The following ZPBP variants were observed in gnomAD, a reference collection of about 807,000 sequenced individuals.
The protein encoded by ZPBP is zona pellucida-binding protein 1.
A neutral mutation model predicts 44.8 loss-of-function variants in ZPBP; 26 were observed. That is an observed-to-expected ratio of 0.58 (90% CI 0.43 to 0.81). The LOEUF is 0.81. ZPBP is among the 30% of genes least tolerant of loss of function. The pLI, the probability that ZPBP is intolerant of heterozygous loss-of-function variation, is 0.00. For missense variants in ZPBP, 409 were observed against 434.0 expected (o/e 0.94, Z 0.51); for synonymous variants, 174 against 153.2 (o/e 1.14, Z -1.00).
chr7:49,849,093 C>T (rs1197495602), downstream of ZPBP, among the ~76,000 whole-genome samples: 1 of 152,188 alleles, frequency 6.6e-6, no homozygotes, highest in Non-Finnish European at 1.5e-5. Flanking sequence ...TCTTGTCCTA[C>T]TGTACTGTAT....
rs573062965 is a variant in ZPBP, at chr7:49,890,734, A to C, written n.509+10384T>G. Among the ~76,000 whole-genome samples, 365 of 148,350 alleles carry C rather than the reference A, an allele frequency of 2.5e-3. 3 individuals carry two copies. Among genetic ancestry groups the C allele is most frequent in the African/African-American group, 6.3e-3 (245 of 39,188 alleles). On this transcript the variant is annotated intron_variant and non_coding_transcript_variant, in intron 2 of 2. Transcript: ENST00000465922. The stretch of plus-strand genomic sequence containing the variant: ...ACATTAAAACACAAAGCAAAACAAA[A>C]AAAAAAAAAACTGATTTGAAAGCAT...
At chr7:49,980,076 A>ATATAATATAATTTTATATTATATATAAT (rs1796747007) in intron 7 of ZPBP, among the ~76,000 whole-genome samples, 7 of 12,070 alleles carry the variant, frequency 5.8e-4, no homozygotes, top group African/African-American at 2.6e-3. Flanking sequence ...ATTATAATAT[A>ATATAATATAATTTTATATTATATATAAT]TATAATATAA....
chr7:50,058,750 G>A (rs535933555), intron 3 of ZPBP, among the ~76,000 whole-genome samples: 6 of 152,220 alleles, frequency 3.9e-5, no homozygotes, highest in Admixed American at 3.9e-4. Flanking sequence ...TTGCAGTGCT[G>A]GGGGTTAGAA....
chr7:49,995,660 G>C (rs182889668), intron 6 of ZPBP, among the ~76,000 whole-genome samples: 260 of 152,206 alleles, frequency 1.7e-3, no homozygotes, highest in African/African-American at 5.8e-3. Flanking sequence ...ATTTTCCTGT[G>C]ATATATATAC....
chr7:50,060,238 C>A (rs2128832064), intron 3 of ZPBP, among the ~76,000 whole-genome samples: 1 of 150,980 alleles, frequency 6.6e-6, no homozygotes, highest in Admixed American at 6.6e-5. Flanking sequence ...TGCATGGAAC[C>A]CAGAGCATTT....
In ZPBP at chr7:49,853,424, G is replaced by A. The variant is rs1790278354; in HGVS notation, n.510-2910C>T. ...CAGCCAGCCTATCTGTTCTGTGCCA[G>A]GAGCTCTGCTGGGCATCGGGGCATA... On this transcript the variant is annotated intron_variant and non_coding_transcript_variant, in intron 2 of 2. Coordinates refer to the ZPBP transcript ENST00000465922. 2.0e-5 allele frequency among the ~76,000 whole-genome samples: 3 copies of A among 152,202 alleles called. No individual in the cohort carries two copies. In the South Asian group the frequency reaches 6.2e-4, roughly 31 times the overall value.
chr7:49,853,374 G>A (rs1180945787), intron 2 of ZPBP, among the ~76,000 whole-genome samples: 3 of 152,236 alleles, frequency 2.0e-5, no homozygotes, highest in Non-Finnish European at 4.4e-5. Flanking sequence ...AGTCTGGACT[G>A]GTCTTTGGCC....
At chr7:50,053,480 A>G (rs924973488) in intron 4 of ZPBP, among the ~76,000 whole-genome samples, 1 of 152,218 alleles carries the variant, frequency 6.6e-6, no homozygotes, top group African/African-American at 2.4e-5. Flanking sequence ...GTTCTTGTGT[A>G]TCACTTACAG....
At chr7:49,881,519 T>G (rs1362359102) in intron 2 of ZPBP, among the ~76,000 whole-genome samples, 2 of 152,190 alleles carry the variant, frequency 1.3e-5, no homozygotes, top group East Asian at 3.8e-4. Flanking sequence ...GTGGCCTTAC[T>G]TATTTGGGTT....
At chr7:49,985,461 A>T (rs575437229) in intron 6 of ZPBP, among the ~76,000 whole-genome samples, 15 of 152,230 alleles carry the variant, frequency 9.9e-5, no homozygotes, top group African/African-American at 3.1e-4. Flanking sequence ...AAAATCTGAA[A>T]ATATCTGAAA....
At chr7:49,976,998 C>T (rs945171167) in intron 7 of ZPBP, among the ~76,000 whole-genome samples, 1 of 151,730 alleles carries the variant, frequency 6.6e-6, no homozygotes, top group African/African-American at 2.4e-5. Context: ...GCTGCTCGGG[C>T]GCCTGAGGCA....
chr7:49,905,777 A>C (rs1046076834), intron 1 of ZPBP, among the ~76,000 whole-genome samples: 1 of 152,206 alleles, frequency 6.6e-6, no homozygotes, highest in South Asian at 2.1e-4. Context: ...CGCAAGAAAG[A>C]GGTCGGCTCA....
At chr7:49,947,493 T>A (rs939391576) in intron 7 of ZPBP, among the ~76,000 whole-genome samples, 1 of 152,196 alleles carries the variant, frequency 6.6e-6, no homozygotes, top group Non-Finnish European at 1.5e-5. Flanking sequence ...TTGGGTAAGA[T>A]TCAGAAGAAT....
chr7:49,866,278 G>T (rs192102787), intron 2 of ZPBP, among the ~76,000 whole-genome samples: 5 of 152,322 alleles, frequency 3.3e-5, no homozygotes, highest in Non-Finnish European at 7.4e-5. Flanking sequence ...GCTGTCAGCT[G>T]TGCCAGGTGT....
At chr7:49,981,374 T>TTATATATA (rs1562819312) in intron 7 of ZPBP, among the ~76,000 whole-genome samples, 19 of 3,972 alleles carry the variant, frequency 4.8e-3, no homozygotes, top group Non-Finnish European at 5.5e-3. Context: ...TAATTATATA[T>TTATATATA]ATTATATATA....
intron 4 of ZPBP, among the ~76,000 whole-genome samples, chr7:50,035,009 A>C (rs1308565340): frequency 6.6e-6 from 1 of 152,234 alleles, no homozygotes; most frequent in South Asian, 2.1e-4. Flanking sequence ...GCAGGACACC[A>C]ATCCTTCCTT....
At chr7:50,023,660 A>G (rs1799196110) in intron 5 of ZPBP, among the ~76,000 whole-genome samples, 1 of 152,138 alleles carries the variant, frequency 6.6e-6, no homozygotes, top group Non-Finnish European at 1.5e-5. Context: ...CAGAGCAACC[A>G]TCAAAACCAA....
chr7:49,983,394 A>G lies in ZPBP; in HGVS notation c.909T>C (p.Phe303=). The G allele has an allele frequency of 1.2e-6, 2 of 1,613,570 alleles. No individual in the cohort carries two copies. Among genetic ancestry groups the G allele is most frequent in the South Asian group, 2.2e-5 (2 of 91,072 alleles). The change falls in exon 7 of 8, where the codon TTT becomes TTC. Residue 303 remains phenylalanine, a synonymous_variant. Coordinates refer to ENST00000046087, the MANE Select transcript of ZPBP (RefSeq NM_007009.3). The part of the protein sequence containing the change: ...TLQMVWINRC[F]PGYGMNVQQH... ...GCTGGACATTCATTCCATATCCTGGAAAGCAGCGATTAATCCAAACCATTT... is the reference window on the plus strand; with the variant it reads ...GCTGGACATTCATTCCATATCCTGGGAAGCAGCGATTAATCCAAACCATTT...
intron 7 of ZPBP, among the ~76,000 whole-genome samples, chr7:49,945,568 T>A (rs1464222002): frequency 6.6e-6 from 1 of 152,168 alleles, no homozygotes; most frequent in Non-Finnish European, 1.5e-5. Flanking sequence ...TTATATCCTC[T>A]TGCTGAATTG....
Sources: gnomAD v4.1 joint callset for allele counts (sites outside exome capture counted in the v4.1 genomes callset) on GRCh38, gnomAD v4.1.1 for gene constraint, MANE v1.5 for transcripts, NCBI Gene and HGNC (gene_info 2026-07-23, HGNC 2026-07-21) for gene names.